Variants in NAALADL2 observed in about 807,000 individuals in gnomAD.
NAALADL2 encodes inactive N-acetylated-alpha-linked acidic dipeptidase-like protein 2.
NAALADL2 carries 76 observed loss-of-function variants against 87.2 expected under a neutral mutation model. That is an observed-to-expected ratio of 0.87 (90% CI 0.72 to 1.05). The LOEUF (loss-of-function observed/expected upper bound fraction) is 1.05. Among genes scored for constraint, NAALADL2 ranks in the 50% least tolerant of loss-of-function variants. The pLI is 0.00. For missense variants in NAALADL2, 1,089 were observed against 945.8 expected (o/e 1.15, Z -1.99); for synonymous variants, 354 against 331.0 (o/e 1.07, Z -0.75).
intron 1 of NAALADL2, among the ~76,000 whole-genome samples, chr3:174,963,776 G>C (rs1024639712): frequency 6.6e-6 from 1 of 152,124 alleles, no homozygotes; most frequent in Non-Finnish European, 1.5e-5. Context: ...AGAAAATGCA[G>C]TGGTTTGTAA....
chr3:174,732,619 TATTTGAA>T (rs1275760558), intron 2 of NAALADL2, among the ~76,000 whole-genome samples: 1 of 152,154 alleles, frequency 6.6e-6, no homozygotes, highest in Non-Finnish European at 1.5e-5. Context: ...CTTGTACAAG[TATTTGAA>T]GTAGATAGGC....
chr3:174,828,317 A>T (rs1366680056), intron 3 of NAALADL2, among the ~76,000 whole-genome samples: 2 of 152,210 alleles, frequency 1.3e-5, no homozygotes, highest in Non-Finnish European at 1.5e-5. Flanking sequence ...GCCCTGATTA[A>T]TATCAGTATC....
Position 175,233,998 on chromosome 3 carries a change from A to C in NAALADL2, c.613A>C (p.Thr205Pro). Reference sequence around the variant, plus strand: ...TTCAAAGAAGATTAAGACTCAGTGGACCTCTTTGGGCCTAGAAGATGTACA... The same window carrying C: ...TTCAAAGAAGATTAAGACTCAGTGGCCCTCTTTGGGCCTAGAAGATGTACA... ...EISKKIKTQW[T>P]SLGLEDVQFV... The change falls in exon 3 of 14, where the codon ACC becomes CCC. Residue 205 changes from threonine to proline, a missense_variant. Thr to Pro is a conservative substitution (Grantham distance 38, BLOSUM62 -1). Coordinates refer to ENST00000454872, the MANE Select transcript of NAALADL2 (RefSeq NM_207015.3). 6.2e-7 allele frequency: 1 copy of C among 1,611,284 alleles called. No homozygotes were observed. The highest frequency in any genetic ancestry group is 1.1e-5 in the South Asian group (1 of 90,996).
chr3:175,217,408 A>T (rs1479769348), intron 2 of NAALADL2, among the ~76,000 whole-genome samples: 1 of 152,220 alleles, frequency 6.6e-6, no homozygotes, highest in Admixed American at 6.5e-5. Context: ...TTGCTTAGGA[A>T]TCAAATGTTT....
At chr3:175,374,493 G>T (rs73184797) in intron 5 of NAALADL2, among the ~76,000 whole-genome samples, 35,302 of 139,588 alleles carry the variant, frequency 0.25, 4,836 homozygotes, top group East Asian at 0.53. Flanking sequence ...GGCAGAGGTT[G>T]CAGTGAACTG....
At chr3:175,067,463 A>T (rs1034548219) in intron 1 of NAALADL2, among the ~76,000 whole-genome samples, 6 of 152,142 alleles carry the variant, frequency 3.9e-5, no homozygotes, top group African/African-American at 1.2e-4. Context: ...AACAAGACAT[A>T]TCAGCGGCCA....
At chr3:174,970,135 ACCCT>A (rs1743429299) in intron 1 of NAALADL2, among the ~76,000 whole-genome samples, 1 of 152,174 alleles carries the variant, frequency 6.6e-6, no homozygotes, top group Non-Finnish European at 1.5e-5. Flanking sequence ...GGAGGAGATA[ACCCT>A]TAAAGGATGA....
intron 1 of NAALADL2, among the ~76,000 whole-genome samples, chr3:174,879,974 G>A (rs148622024): frequency 2.2e-3 from 333 of 152,114 alleles, no homozygotes; most frequent in Non-Finnish European, 3.5e-3. Flanking sequence ...GTACTGTGCT[G>A]TCTTGCTTTG....
At chr3:175,778,848 C>T (rs931642195) in intron 13 of NAALADL2, among the ~76,000 whole-genome samples, 1 of 152,142 alleles carries the variant, frequency 6.6e-6, no homozygotes, top group Non-Finnish European at 1.5e-5. Flanking sequence ...ATTCTCTACC[C>T]TCCAAGGGCT....
intron 2 of NAALADL2, among the ~76,000 whole-genome samples, chr3:175,183,622 T>C (rs1287916634): frequency 6.6e-6 from 1 of 152,088 alleles, no homozygotes; most frequent in Non-Finnish European, 1.5e-5. Flanking sequence ...GTTAACATGG[T>C]GTATCACATT....
chr3:175,616,307 G>C (rs1006280929), intron 10 of NAALADL2, among the ~76,000 whole-genome samples: 2 of 148,302 alleles, frequency 1.3e-5, no homozygotes, highest in Non-Finnish European at 3.0e-5. Flanking sequence ...ATAAATAAAT[G>C]TTTAAATAAA....
chr3:175,031,055 CATG>C (rs1357482987), intron 1 of NAALADL2, among the ~76,000 whole-genome samples: 1 of 151,936 alleles, frequency 6.6e-6, no homozygotes, highest in African/African-American at 2.4e-5. Context: ...AAATATCATG[CATG>C]ATATTATAAA....
intron 10 of NAALADL2, among the ~76,000 whole-genome samples, chr3:175,622,555 T>C (rs1183337616): frequency 6.6e-6 from 1 of 152,120 alleles, no homozygotes; most frequent in Non-Finnish European, 1.5e-5. Context: ...GGAGAGTAAG[T>C]AGCAGTAGAT....
chr3:175,071,385 T>C lies in NAALADL2; in HGVS notation c.44-25405T>C, dbSNP rs1715609844. On this transcript the variant is annotated intron_variant, in intron 1 of 13. Coordinates refer to ENST00000454872, the MANE Select transcript of NAALADL2 (RefSeq NM_207015.3). The stretch of plus-strand genomic sequence containing the variant: ...GATTTTCAAAGGCTACTTTACAAAG[T>C]TGTCTCCATTTGCTTCTATTAAATT... 2.6e-5 allele frequency among the ~76,000 whole-genome samples: 4 copies of C among 152,130 alleles called. 1 individual carries two copies. In the South Asian group the frequency reaches 8.3e-4, roughly 31 times the overall value.
chr3:174,580,817 A>G (rs1716087035), intron 2 of NAALADL2, among the ~76,000 whole-genome samples: 1 of 152,184 alleles, frequency 6.6e-6, no homozygotes, highest in African/African-American at 2.4e-5. Context: ...TTTTTTACAG[A>G]CATACACTTC....
At chr3:175,205,100 AC>A (rs1740625046) in intron 2 of NAALADL2, among the ~76,000 whole-genome samples, 1 of 152,146 alleles carries the variant, frequency 6.6e-6, no homozygotes, top group Non-Finnish European at 1.5e-5. Context: ...CTAGAAAAAA[AC>A]ACTTCTAAAA....
intron 9 of NAALADL2, among the ~76,000 whole-genome samples, chr3:175,531,987 A>G (rs1734145558): frequency 6.6e-6 from 1 of 152,308 alleles, no homozygotes. Context: ...TTCTAAATAG[A>G]GGCAGCTCTA....
At chr3:175,540,887 A>G (rs1419410062) in intron 9 of NAALADL2, among the ~76,000 whole-genome samples, 1 of 152,230 alleles carries the variant, frequency 6.6e-6, no homozygotes, top group African/African-American at 2.4e-5. Flanking sequence ...AGATTTCTTT[A>G]GAAAGAAAAT....
At chr3:175,143,457 A>G (rs894809630) in intron 2 of NAALADL2, among the ~76,000 whole-genome samples, 3 of 151,442 alleles carry the variant, frequency 2.0e-5, no homozygotes, top group African/African-American at 7.3e-5. Context: ...CTCTATACCA[A>G]CTATCAGCAG....
Sources: gnomAD v4.1 joint callset for allele counts (sites outside exome capture counted in the v4.1 genomes callset) on GRCh38, gnomAD v4.1.1 for gene constraint, MANE v1.5 for transcripts, NCBI Gene and HGNC (gene_info 2026-07-23, HGNC 2026-07-21) for gene names.